The following CCDC178 variants were observed in gnomAD, a reference collection of about 807,000 sequenced individuals.
CCDC178 encodes the protein coiled-coil domain containing 178.
CCDC178 carries 126 observed loss-of-function variants against 117.4 expected under a neutral mutation model. That is an observed-to-expected ratio of 1.07 (90% confidence interval 0.93 to 1.24). The LOEUF (loss-of-function observed/expected upper bound fraction) is 1.24, where lower values mean the gene tolerates loss of function less well. CCDC178 is among the 50% of genes most tolerant of loss of function. The pLI is 0.00. For missense variants in CCDC178, 1,030 were observed against 986.9 expected (o/e 1.04, Z -0.59); for synonymous variants, 283 against 313.4 (o/e 0.90, Z 1.02).
intron 21 of CCDC178, among the ~76,000 whole-genome samples, chr18:33,072,613 A>G (rs964157443): frequency 3.3e-5 from 5 of 152,232 alleles, no homozygotes; most frequent in Non-Finnish European, 5.9e-5. Flanking sequence ...GAAGAATAAA[A>G]TGTCTTCATT....
At chr18:33,271,498 T>C (rs1363953714) in intron 12 of CCDC178, among the ~76,000 whole-genome samples, 1 of 151,536 alleles carries the variant, frequency 6.6e-6, no homozygotes, top group Non-Finnish European at 1.5e-5. Flanking sequence ...CAAAATAGAC[T>C]TTAGAATAAA....
chr18:32,969,998 C>T (rs878903526), intron 22 of CCDC178, among the ~76,000 whole-genome samples: 2 of 152,056 alleles, frequency 1.3e-5, no homozygotes, highest in Admixed American at 1.3e-4. Context: ...ATAAAATATG[C>T]CATACACTGT....
In CCDC178 at chr18:33,346,088, A is replaced by G. The variant is rs1218492140; in HGVS notation, c.658+123T>C. ...AGTGATCCGCATCCCCAGCCTCCCA[A>G]AGCGTGGGATTACAGGCATGAGCCA... is the stretch of plus-strand genomic sequence containing the variant. On this transcript the variant is annotated intron_variant, in intron 9 of 22. Transcript: ENST00000383096. 4.7e-6 allele frequency: 3 copies of G among 634,754 alleles called. No individual in the cohort carries two copies. The African/African-American group carries it at 5.7e-5, about 12-fold the overall frequency. 39.3% of individuals were successfully genotyped at this position (634,754 alleles called of 1,614,324 possible).
At chr18:33,324,962 T>G (rs981536963) in intron 10 of CCDC178, among the ~76,000 whole-genome samples, 4 of 151,780 alleles carry the variant, frequency 2.6e-5, no homozygotes, top group Non-Finnish European at 5.9e-5. Flanking sequence ...CAAACTTATT[T>G]TGAAAACAAC....
intron 20 of CCDC178, among the ~76,000 whole-genome samples, chr18:33,169,696 T>A (rs1403019623): frequency 6.6e-6 from 1 of 152,142 alleles, no homozygotes; most frequent in Non-Finnish European, 1.5e-5. Flanking sequence ...CAGTGTGCTG[T>A]TTCCTGTCTA....
intron 3 of CCDC178, among the ~76,000 whole-genome samples, chr18:33,397,617 C>T (rs1300364999): frequency 1.3e-5 from 2 of 152,022 alleles, no homozygotes; most frequent in Admixed American, 6.6e-5. Flanking sequence ...ATGACATAGC[C>T]CAGTTTATTG....
intron 2 of CCDC178, among the ~76,000 whole-genome samples, chr18:33,420,608 G>A (rs2064011375): frequency 6.6e-6 from 1 of 152,084 alleles, no homozygotes; most frequent in Non-Finnish European, 1.5e-5. Flanking sequence ...ATCTGCCTTG[G>A]CCTCCCAAGG....
chr18:33,030,017 C>T (rs1029356436), intron 21 of CCDC178, among the ~76,000 whole-genome samples: 4 of 151,946 alleles, frequency 2.6e-5, no homozygotes, highest in Non-Finnish European at 5.9e-5. Context: ...AGTCTTCTAT[C>T]TCCTTGTTGA....
intron 20 of CCDC178, among the ~76,000 whole-genome samples, chr18:33,162,797 T>G (rs2058482925): frequency 6.6e-6 from 1 of 152,214 alleles, no homozygotes; most frequent in African/African-American, 2.4e-5. Flanking sequence ...TATTCCATGC[T>G]GTATATGTAC....
chr18:32,989,646 T>G (rs2055346694), intron 21 of CCDC178, among the ~76,000 whole-genome samples: 1 of 152,206 alleles, frequency 6.6e-6, no homozygotes, highest in African/African-American at 2.4e-5. Context: ...TATATTTTCA[T>G]GTGTCAAATA....
chr18:32,983,151 A>C (rs1281535248), intron 21 of CCDC178: 2 of 511,264 alleles, frequency 3.9e-6, no homozygotes, highest in African/African-American at 1.9e-5. Context: ...AAAAAAAAAA[A>C]CCACTTCTCA....
At chr18:33,395,650 A>G (rs1568199611) in intron 4 of CCDC178, among the ~76,000 whole-genome samples, 1 of 152,084 alleles carries the variant, frequency 6.6e-6, no homozygotes, top group African/African-American at 2.4e-5. Flanking sequence ...TTTGTGCCAT[A>G]TCGGTACAGT....
At chr18:33,267,819 A>G (rs1322153612) in intron 12 of CCDC178, among the ~76,000 whole-genome samples, 1 of 151,546 alleles carries the variant, frequency 6.6e-6, no homozygotes, top group Non-Finnish European at 1.5e-5. Context: ...TTCTATTTAA[A>G]ACAACAATAA....
intron 21 of CCDC178, among the ~76,000 whole-genome samples, chr18:33,026,408 T>C (rs906762666): frequency 6.6e-6 from 1 of 152,030 alleles, no homozygotes; most frequent in Non-Finnish European, 1.5e-5. Context: ...TACATTGGCA[T>C]GTGGAACTAA....
chr18:33,092,749 A>T lies in CCDC178; in HGVS notation c.2388+12T>A. 6.6e-7 allele frequency: 1 copy of T among 1,520,592 alleles called. No homozygotes were observed. The highest frequency in any genetic ancestry group is 9.0e-7 in the Non-Finnish European group (1 of 1,113,170). 94.2% of individuals were successfully genotyped at this position (1,520,592 alleles called of 1,614,324 possible). A position where few individuals can be genotyped will look rare whatever the true frequency, so the allele number is the denominator to read the frequency against. On this transcript the variant is annotated intron_variant, in intron 21 of 22. Coordinates refer to ENST00000383096, the MANE Select transcript of CCDC178 (RefSeq NM_001105528.4). ...TAAATCATCACCTTAAAACAATTAG[A>T]AAAACCAATACCTGTTTCTTATCTC...
chr18:33,317,265 G>T (rs71363410), intron 11 of CCDC178, among the ~76,000 whole-genome samples: 1 of 151,900 alleles, frequency 6.6e-6, no homozygotes, highest in Non-Finnish European at 1.5e-5. Context: ...AACCCACCAG[G>T]AGGAATGAAC....
At chr18:33,197,625 C>CAAA (rs35818550) in intron 20 of CCDC178, among the ~76,000 whole-genome samples, 12,090 of 136,092 alleles carry the variant, frequency 0.089, 664 homozygotes, top group African/African-American at 0.16. Context: ...ATTGCTTTAT[C>CAAA]AAAAAAAAAA....
chr18:33,148,878 C>G (rs142060615), intron 20 of CCDC178, among the ~76,000 whole-genome samples: 1 of 152,178 alleles, frequency 6.6e-6, no homozygotes, highest in African/African-American at 2.4e-5. Flanking sequence ...GTCGCAGTGA[C>G]AATTGTTTGT....
Position 32,951,816 on chromosome 18 carries a change from G to A in CCDC178, c.2524-13725C>T, listed in dbSNP as rs139778971. Among the ~76,000 whole-genome samples, 139 of 152,248 alleles carry A rather than the reference G, an allele frequency of 9.1e-4. 1 individual carries two copies. The East Asian group carries it at 0.021, about 23-fold the overall frequency. On this transcript the variant is annotated intron_variant, in intron 22 of 22. Coordinates refer to ENST00000383096, the MANE Select transcript of CCDC178 (RefSeq NM_001105528.4). ...AGCCTGTAAAATCAAAAGCAAGTTAGTTACTTCCTAGATACAATGGGGGTA... is the reference window on the plus strand; with the variant it reads ...AGCCTGTAAAATCAAAAGCAAGTTAATTACTTCCTAGATACAATGGGGGTA...
Sources: gnomAD v4.1 joint callset for allele counts (sites outside exome capture counted in the v4.1 genomes callset) on GRCh38, gnomAD v4.1.1 for gene constraint, MANE v1.5 for transcripts, NCBI Gene and HGNC (gene_info 2026-07-23, HGNC 2026-07-21) for gene names.